DLG2: variants seen among roughly 807,000 people sequenced by gnomAD.
The protein encoded by DLG2 is disks large homolog 2.
A neutral mutation model predicts 132.5 loss-of-function variants in DLG2; 45 were observed. The observed-to-expected ratio is 0.34, with a 90% CI of 0.27 to 0.44. DLG2 has a LOEUF of 0.44. Ranked by LOEUF, DLG2 falls within the 20% of genes least tolerant of loss-of-function variation. The pLI is 1.00. For synonymous variants in DLG2, 424 were observed against 419.6 expected (o/e 1.01, Z -0.13); for missense variants, 1,045 against 1,196.9 (o/e 0.87, Z 1.87).
intron 7 of DLG2, among the ~76,000 whole-genome samples, chr11:84,279,816 G>A (rs1361173914): frequency 6.6e-6 from 1 of 152,114 alleles, no homozygotes; most frequent in Non-Finnish European, 1.5e-5. Flanking sequence ...TGTGGCATGG[G>A]GGTGCTAAGG....
chr11:85,019,349 G>A (rs1380852633), intron 6 of DLG2, among the ~76,000 whole-genome samples: 1 of 152,160 alleles, frequency 6.6e-6, no homozygotes, highest in African/African-American at 2.4e-5. Flanking sequence ...AAGGATAGGG[G>A]AACACTGAGC....
At chr11:83,947,557 T>A (rs191748419) in intron 14 of DLG2, among the ~76,000 whole-genome samples, 174 of 152,312 alleles carry the variant, frequency 1.1e-3, no homozygotes, top group African/African-American at 4.1e-3. Context: ...CGGAAGCCAG[T>A]CCTATAATGA....
intron 19 of DLG2, among the ~76,000 whole-genome samples, chr11:83,596,488 C>G (rs750044067): frequency 1.7e-4 from 26 of 152,120 alleles, no homozygotes; most frequent in Non-Finnish European, 1.3e-4. Flanking sequence ...TTATCCTTGC[C>G]TATGTTATTA....
chr11:84,441,066 G>T (rs1267594334), intron 7 of DLG2, among the ~76,000 whole-genome samples: 1 of 151,866 alleles, frequency 6.6e-6, no homozygotes, highest in Non-Finnish European at 1.5e-5. Flanking sequence ...CAAAGATTTT[G>T]ATTGGTTTGT....
At chr11:83,963,595 T>C (rs1265056090) in intron 13 of DLG2, among the ~76,000 whole-genome samples, 2 of 151,930 alleles carry the variant, frequency 1.3e-5, no homozygotes, top group African/African-American at 4.8e-5. Flanking sequence ...ATCCATTTTA[T>C]ATGTTGAGAT....
chr11:84,331,947 T>A (rs1351679366), intron 7 of DLG2, among the ~76,000 whole-genome samples: 1 of 152,120 alleles, frequency 6.6e-6, no homozygotes, highest in Non-Finnish European at 1.5e-5. Flanking sequence ...GAAAAACACA[T>A]CTGAGAGGTT....
At chr11:84,213,566 T>C (rs2096786274) in intron 8 of DLG2, among the ~76,000 whole-genome samples, 1 of 152,132 alleles carries the variant, frequency 6.6e-6, no homozygotes, top group Non-Finnish European at 1.5e-5. Flanking sequence ...ATGCCTGTAA[T>C]CCCAGCACTT....
chr11:84,239,975 C>G lies in DLG2; in HGVS notation c.573+11263G>C, dbSNP rs147353796. 1.5e-3 allele frequency among the ~76,000 whole-genome samples: 223 copies of G among 152,282 alleles called. 1 individual carries two copies. Among genetic ancestry groups the G allele is most frequent in the Non-Finnish European group, 2.7e-3 (184 of 68,022 alleles). On this transcript the variant is annotated intron_variant, in intron 8 of 27. Transcript: ENST00000376104. ...TCTCCCATAATAACGGGATCCCTCA[C>G]TTTTATCTGAGCCCAGGGCATCTCA...
At chr11:83,929,214 C>G (rs1452797402) in intron 15 of DLG2, among the ~76,000 whole-genome samples, 2 of 152,126 alleles carry the variant, frequency 1.3e-5, no homozygotes, top group Non-Finnish European at 2.9e-5. Flanking sequence ...CAAACTTATT[C>G]TTTCAAAGTA....
chr11:84,931,905 T>A (rs1354301112), intron 6 of DLG2, among the ~76,000 whole-genome samples: 1 of 152,252 alleles, frequency 6.6e-6, no homozygotes, highest in East Asian at 1.9e-4. Context: ...GCTGGCTGCA[T>A]ACATGTCTTC....
chr11:84,526,301 A>C (rs2099320286), intron 7 of DLG2, among the ~76,000 whole-genome samples: 10 of 152,210 alleles, frequency 6.6e-5, no homozygotes. Flanking sequence ...TGCTGACAAA[A>C]TTCCACCAAA....
intron 6 of DLG2, among the ~76,000 whole-genome samples, chr11:84,779,883 T>A (rs563568052): frequency 7.4e-6 from 1 of 134,646 alleles, no homozygotes. Flanking sequence ...AACAAAACAA[T>A]CTCTCAACAA....
intron 6 of DLG2, among the ~76,000 whole-genome samples, chr11:84,860,290 A>G (rs17147654): frequency 0.036 from 5,533 of 152,134 alleles, 351 homozygotes; most frequent in African/African-American, 0.13. Context: ...TATGACCCAC[A>G]ATCTATGTTT....
At chr11:85,503,208 T>C (rs2093845421) in intron 3 of DLG2, among the ~76,000 whole-genome samples, 1 of 152,144 alleles carries the variant, frequency 6.6e-6, no homozygotes, top group Non-Finnish European at 1.5e-5. Context: ...TATTTTATAC[T>C]TTTTTGCATT....
chr11:85,020,813 C>T (rs778979043), intron 6 of DLG2: 154 of 733,738 alleles, frequency 2.1e-4, no homozygotes, highest in Non-Finnish European at 3.5e-4. Context: ...TCTTTTTCAT[C>T]ATCCTTGATC....
At chr11:83,969,103 A>T (rs904810012) in intron 12 of DLG2, among the ~76,000 whole-genome samples, 1 of 152,200 alleles carries the variant, frequency 6.6e-6, no homozygotes, top group Non-Finnish European at 1.5e-5. Flanking sequence ...GATACTATTA[A>T]TCAGGCAAAT....
intron 7 of DLG2, among the ~76,000 whole-genome samples, chr11:84,355,392 T>C (rs2098605246): frequency 6.6e-6 from 1 of 151,900 alleles, no homozygotes; most frequent in African/African-American, 2.4e-5. Flanking sequence ...GACTGGATCA[T>C]GAGGGTAGAG....
chr11:85,617,567 T>C (rs1263756096), intron 2 of DLG2, among the ~76,000 whole-genome samples: 4 of 152,230 alleles, frequency 2.6e-5, no homozygotes, highest in African/African-American at 4.8e-5. Flanking sequence ...GCCTGGCACA[T>C]AGCAGGCACT....
intron 3 of DLG2, among the ~76,000 whole-genome samples, chr11:85,307,363 A>G (rs2080023174): frequency 6.6e-6 from 1 of 152,236 alleles, no homozygotes. Context: ...GACAGACTGT[A>G]AGCGGTGGGA....
Sources: gnomAD v4.1 joint callset for allele counts (sites outside exome capture counted in the v4.1 genomes callset) on GRCh38, gnomAD v4.1.1 for gene constraint, MANE v1.5 for transcripts, NCBI Gene and HGNC (gene_info 2026-07-23, HGNC 2026-07-21) for gene names.